Variants in SNX9 observed in about 807,000 individuals in gnomAD.
The protein encoded by SNX9 is sorting nexin 9.
SNX9 carries 44 observed loss-of-function variants against 89.4 expected under a neutral mutation model. The ratio of observed to expected loss-of-function variants is 0.49; its 90% CI spans 0.39 to 0.63. The LOEUF (loss-of-function observed/expected upper bound fraction) is 0.63. Ranked by LOEUF, SNX9 falls within the 30% of genes least tolerant of loss-of-function variation. The probability of loss-of-function intolerance (pLI) is 0.00; values close to 1 mark genes in which losing one functional copy is unlikely to be tolerated. For synonymous variants in SNX9, 236 were observed against 247.8 expected (o/e 0.95, Z 0.45); for missense variants, 578 against 736.1 (o/e 0.79, Z 2.49).
At chr6:157,894,111 T>G (rs572927245) in intron 4 of SNX9, among the ~76,000 whole-genome samples, 4 of 133,928 alleles carry the variant, frequency 3.0e-5, no homozygotes, top group Non-Finnish European at 6.4e-5. Context: ...CTTTTCTTTT[T>G]TTTTTTTTTT....
At chr6:157,871,044 A>G (rs1782398322) in intron 2 of SNX9, among the ~76,000 whole-genome samples, 2 of 152,250 alleles carry the variant, frequency 1.3e-5, no homozygotes, top group African/African-American at 4.8e-5. Context: ...GTTTTTGAAT[A>G]GTGAGCATAT....
At chr6:157,865,285 G>T (rs548641946) in intron 1 of SNX9, among the ~76,000 whole-genome samples, 1 of 148,240 alleles carries the variant, frequency 6.7e-6, no homozygotes, top group Admixed American at 6.8e-5. Flanking sequence ...GTTGCAGTGA[G>T]CCCAAATGGC....
intron 1 of SNX9, among the ~76,000 whole-genome samples, chr6:157,864,501 G>T (rs1416985526): frequency 1.3e-5 from 2 of 152,184 alleles, no homozygotes; most frequent in Non-Finnish European, 2.9e-5. Context: ...TAGTAAACAA[G>T]AGGCTTAGGT....
intron 7 of SNX9, among the ~76,000 whole-genome samples, chr6:157,907,034 C>T (rs1410616169): frequency 1.3e-5 from 2 of 152,106 alleles, no homozygotes; most frequent in African/African-American, 4.8e-5. Flanking sequence ...TTACTTGTGC[C>T]TGCATGTTTG....
rs140406341 is a variant in SNX9 at position 157,920,653 on chromosome 6, T to C, written c.950-878T>C. The stretch of plus-strand genomic sequence containing the variant: ...GATTTCTAGAGCACTCATTTGGTTG[T>C]TTTTATTACTGTTGTCTAGCTTTAT... On this transcript the variant is annotated intron_variant, in intron 9 of 17. Transcript: ENST00000392185. Among the ~76,000 whole-genome samples, 831 of 152,312 alleles carry C rather than the reference T, an allele frequency of 5.5e-3. 2 individuals carry two copies. Among genetic ancestry groups the C allele is most frequent in the Non-Finnish European group, 9.4e-3 (640 of 68,034 alleles).
intron 11 of SNX9, among the ~76,000 whole-genome samples, chr6:157,927,718 C>CT (rs761592456): frequency 0.035 from 3,486 of 98,676 alleles, 591 homozygotes; most frequent in African/African-American, 0.082. Context: ...TAATTTTAAG[C>CT]TTTTTTTTTT....
intron 1 of SNX9, among the ~76,000 whole-genome samples, chr6:157,862,096 G>A (rs1020225695): frequency 1.3e-5 from 2 of 152,164 alleles, no homozygotes; most frequent in Admixed American, 1.3e-4. Context: ...TTTATTTCTG[G>A]AATTTTCTAT....
intron 14 of SNX9, among the ~76,000 whole-genome samples, chr6:157,936,978 A>T (rs891090338): frequency 1.5e-4 from 22 of 149,848 alleles, no homozygotes; most frequent in African/African-American, 5.2e-4. Context: ...GATACTTCTA[A>T]AAAAGCATTC....
At chr6:157,914,939 T>A (rs1316630500) in intron 9 of SNX9, among the ~76,000 whole-genome samples, 1 of 152,218 alleles carries the variant, frequency 6.6e-6, no homozygotes, top group East Asian at 1.9e-4. Flanking sequence ...TTTAGATCTT[T>A]GATGCATTTT....
chr6:157,895,073 G>A (rs1207710265), intron 4 of SNX9, among the ~76,000 whole-genome samples: 2 of 152,214 alleles, frequency 1.3e-5, no homozygotes, highest in East Asian at 3.8e-4. Context: ...TGTATGAGAG[G>A]AGTCAAGAGC....
intron 2 of SNX9, among the ~76,000 whole-genome samples, chr6:157,868,257 A>C (rs1782308439): frequency 6.6e-6 from 1 of 152,238 alleles, no homozygotes; most frequent in Non-Finnish European, 1.5e-5. Flanking sequence ...TATAAAAAGC[A>C]TTTCTGCATC....
At chr6:157,894,011 T>C (rs1388308928) in intron 4 of SNX9, among the ~76,000 whole-genome samples, 18 of 151,898 alleles carry the variant, frequency 1.2e-4, no homozygotes, top group Non-Finnish European at 2.6e-4. Context: ...GGGGGAAAGA[T>C]GGATTGTTCA....
At chr6:157,860,166 G>A (rs1369486859) in intron 1 of SNX9, among the ~76,000 whole-genome samples, 2 of 152,182 alleles carry the variant, frequency 1.3e-5, no homozygotes, top group Non-Finnish European at 2.9e-5. Context: ...AAAGTGTTTT[G>A]TATGATACAG....
intron 12 of SNX9, among the ~76,000 whole-genome samples, chr6:157,929,734 TAAA>T (rs1562622139): frequency 6.6e-6 from 1 of 151,994 alleles, no homozygotes; most frequent in Non-Finnish European, 1.5e-5. Flanking sequence ...ATTTTTACAC[TAAA>T]AAAAGAAAAC....
At position 157,944,680 on chromosome 6, in the gene SNX9, T is replaced by C. The variant is rs1784107341; in HGVS notation, c.*1842T>C. 6.6e-6 allele frequency: 1 copy of C among 152,186 alleles called. No homozygotes were observed. 9.4% of individuals were successfully genotyped at this position (152,186 alleles called of 1,614,324 possible). A position where few individuals can be genotyped will look rare whatever the true frequency, so the allele number is the denominator to read the frequency against. On this transcript the variant is annotated 3_prime_UTR_variant, in exon 18 of 18. Coordinates refer to ENST00000392185, the MANE Select transcript of SNX9 (RefSeq NM_016224.5). ...ATCATTTCAGTTCCGTAGGTCAGTG[T>C]TGCGGTCCGGGAAGCGTATCATAAC... is the stretch of plus-strand genomic sequence containing the variant.
At chr6:157,876,002 AAG>A (rs1490122552) in intron 4 of SNX9, among the ~76,000 whole-genome samples, 1 of 152,066 alleles carries the variant, frequency 6.6e-6, no homozygotes, top group Non-Finnish European at 1.5e-5. Context: ...GTTAAAAAAA[AAG>A]AATTAAAATA....
intron 3 of SNX9, among the ~76,000 whole-genome samples, chr6:157,874,543 C>T (rs1196856323): frequency 6.6e-6 from 1 of 152,170 alleles, no homozygotes; most frequent in Non-Finnish European, 1.5e-5. Context: ...TCAGTAAGGA[C>T]GTGGTTGAAC....
At chr6:157,942,690 A>G in intron 17 of SNX9, 101 bp from the exon 18 acceptor site, 1 of 1,275,664 alleles carries the variant, frequency 7.8e-7, no homozygotes, top group Non-Finnish European at 1.1e-6. Flanking sequence ...AAGAATTGGA[A>G]TTTGTGTCAT....
intron 11 of SNX9, 77 bp downstream of exon 11, chr6:157,927,291 G>C: frequency 9.9e-7 from 1 of 1,015,060 alleles, no homozygotes; most frequent in Non-Finnish European, 1.5e-6. Context: ...AGCCAGTGTA[G>C]CCGCAGCCGA....
Sources: allele counts gnomAD v4.1 joint callset (sites outside exome capture counted in the v4.1 genomes callset), GRCh38; gene constraint gnomAD v4.1.1; transcripts MANE v1.5; gene names NCBI Gene and HGNC (gene_info 2026-07-23, HGNC 2026-07-21).